Variants in DENND1B observed in about 807,000 individuals in gnomAD.
DENND1B encodes the protein DENN domain containing 1B, also known as DENN domain-containing protein 1B.
DENND1B carries 59 observed loss-of-function variants against 90.1 expected under a neutral mutation model. That is an observed-to-expected ratio of 0.65 (90% CI 0.53 to 0.81). DENND1B has a LOEUF of 0.81. Ranked by LOEUF, DENND1B falls within the 40% of genes least tolerant of loss-of-function variation. The probability of loss-of-function intolerance (pLI) is 0.00; values close to 1 mark genes in which losing one functional copy is unlikely to be tolerated. For missense variants in DENND1B, 862 were observed against 912.6 expected, an observed-to-expected ratio of 0.94 and a Z score of 0.71; for synonymous variants, 337 against 324.6, an observed-to-expected ratio of 1.04 and a Z score of -0.41.
chr1:197,638,408 C>T (rs141968373), intron 10 of DENND1B, among the ~76,000 whole-genome samples: 1,997 of 152,228 alleles, frequency 0.013, 18 homozygotes, highest in South Asian at 0.026. Context: ...CTTCTACAGG[C>T]CACAAAGATA....
rs144428227 is a variant in DENND1B at position 197,604,282 on chromosome 1, T to C, written c.921+2791A>G. Reference sequence around the variant, plus strand: ...TGTCAGAAGACAGGAAAAGAGGTTTTCCCCCTCCCTTAACGAAAACAAAGG... The same window carrying C: ...TGTCAGAAGACAGGAAAAGAGGTTTCCCCCCTCCCTTAACGAAAACAAAGG... On this transcript the variant is annotated intron_variant, in intron 13 of 22. Transcript: ENST00000620048. Among the ~76,000 whole-genome samples the C allele has an allele frequency of 2.0e-4, 30 of 151,306 alleles. No homozygotes were observed. The East Asian group carries it at 5.3e-3, about 27-fold the overall frequency.
At chr1:197,590,990 T>C (rs1675151556) in intron 14 of DENND1B, among the ~76,000 whole-genome samples, 1 of 152,204 alleles carries the variant, frequency 6.6e-6, no homozygotes. Context: ...GTGCATTAAT[T>C]GTAAGATAAA....
At chr1:197,758,432 A>G (rs1033406181) in intron 2 of DENND1B, among the ~76,000 whole-genome samples, 10 of 152,226 alleles carry the variant, frequency 6.6e-5, no homozygotes, top group African/African-American at 1.4e-4. Flanking sequence ...TAACAACCAC[A>G]ACACAGAAAC....
chr1:197,529,018 T>C (rs1331891382), intron 20 of DENND1B, among the ~76,000 whole-genome samples: 1 of 151,848 alleles, frequency 6.6e-6, no homozygotes, highest in Non-Finnish European at 1.5e-5. Flanking sequence ...ATATTTCTAT[T>C]TGTAAACACT....
At chr1:197,679,484 TTA>T (rs1282234161) in intron 3 of DENND1B, among the ~76,000 whole-genome samples, 1 of 151,802 alleles carries the variant, frequency 6.6e-6, no homozygotes, top group Non-Finnish European at 1.5e-5. Context: ...ATGTGCATAG[TTA>T]CATGCAAAAC....
At chr1:197,726,758 G>A (rs1304219957) in intron 2 of DENND1B, among the ~76,000 whole-genome samples, 1 of 152,164 alleles carries the variant, frequency 6.6e-6, no homozygotes, top group Non-Finnish European at 1.5e-5. Flanking sequence ...TACTCAAGAG[G>A]TTATCAAGCT....
intron 3 of DENND1B, among the ~76,000 whole-genome samples, chr1:197,695,836 A>C (rs546338775): frequency 6.6e-6 from 1 of 151,302 alleles, no homozygotes. Flanking sequence ...TGAATAATTT[A>C]TATCTTCTTT....
At chr1:197,763,188 G>A (rs1414909189) in intron 2 of DENND1B, among the ~76,000 whole-genome samples, 2 of 152,202 alleles carry the variant, frequency 1.3e-5, no homozygotes, top group Admixed American at 6.5e-5. Context: ...ACATACGCCT[G>A]TAGTACTGGC....
Position 197,510,111 on chromosome 1 carries a change from C to T in DENND1B, c.*349G>A. 1 of 206,538 alleles carries T rather than the reference C, an allele frequency of 4.8e-6. No individual in the cohort carries two copies. Among genetic ancestry groups the T allele is most frequent in the East Asian group, 1.3e-4 (1 of 7,990 alleles). The allele number at this position is 206,538 out of a possible 1,614,324, so 12.8% of individuals were successfully genotyped here. On this transcript the variant is annotated 3_prime_UTR_variant, in exon 23 of 23. Transcript: ENST00000620048. The stretch of plus-strand genomic sequence containing the variant: ...GTTTTGATATCTTGATCAGTTCATG[C>T]TCAACCAGATTAGTATAGTAGCTAC...
In DENND1B at chr1:197,512,940, C is replaced by G. The variant is rs1668133674; in HGVS notation, c.1529G>C (p.Arg510Thr). The G allele has an allele frequency of 6.2e-7, 1 of 1,609,332 alleles. No individual in the cohort carries two copies. Among genetic ancestry groups the G allele is most frequent in the Non-Finnish European group, 8.5e-7 (1 of 1,177,482 alleles). Residue 510 changes from arginine to threonine, a missense_variant, in exon 21 of 23, where the codon AGG becomes ACG. Physicochemically the swap from Arg to Thr is moderately conservative, Grantham distance 71. Transcript: ENST00000620048. The part of the protein sequence containing the change: ...KRKLAQARLK[R>T]PLKSLDGALY... ...AGCACCATCAAGGCTCTTAAGAGGCCTTTTTAAGCGTGCCTGGAGAGAGAG... is the reference window on the plus strand; with the variant it reads ...AGCACCATCAAGGCTCTTAAGAGGCGTTTTTAAGCGTGCCTGGAGAGAGAG...
At chr1:197,611,815 T>C in intron 12 of DENND1B, 116 bp downstream of exon 12, 1 of 788,868 alleles carries the variant, frequency 1.3e-6, no homozygotes, top group African/African-American at 1.8e-5. Context: ...ATACTCTAAA[T>C]ATGAAACTAG....
chr1:197,675,149 G>GA (rs1354336700), intron 3 of DENND1B, among the ~76,000 whole-genome samples: 4 of 151,948 alleles, frequency 2.6e-5, no homozygotes, highest in South Asian at 4.2e-4. Context: ...CCATTAAAAA[G>GA]AAAAAAGAGC....
At chr1:197,702,756 G>A (rs971939771) in intron 3 of DENND1B, among the ~76,000 whole-genome samples, 2 of 152,112 alleles carry the variant, frequency 1.3e-5, no homozygotes, top group African/African-American at 4.8e-5. Flanking sequence ...AAATGCTTGT[G>A]TATGACTGAA....
upstream of DENND1B, among the ~76,000 whole-genome samples, chr1:197,776,462 T>TA (rs1344389249): frequency 6.6e-6 from 1 of 152,208 alleles, no homozygotes; most frequent in Non-Finnish European, 1.5e-5. Context: ...GCCAGGCTCT[T>TA]ACACAGAGAT....
chr1:197,536,286 C>T (rs1367074287), intron 20 of DENND1B, among the ~76,000 whole-genome samples: 1 of 152,034 alleles, frequency 6.6e-6, no homozygotes, highest in African/African-American at 2.4e-5. Context: ...TATATTCCTG[C>T]AATTAGATGT....
chr1:197,753,337 A>T (rs1653815063), intron 2 of DENND1B, among the ~76,000 whole-genome samples: 1 of 152,106 alleles, frequency 6.6e-6, no homozygotes, highest in Non-Finnish European at 1.5e-5. Flanking sequence ...AAATTAAAAA[A>T]GGGAAATATC....
chr1:197,754,530 C>T (rs1451894556), intron 2 of DENND1B, among the ~76,000 whole-genome samples: 1 of 151,822 alleles, frequency 6.6e-6, no homozygotes, highest in African/African-American at 2.4e-5. Flanking sequence ...TGGTGGTGCA[C>T]ACCTGTAATC....
At chr1:197,618,955 T>C (rs1301730761) in intron 10 of DENND1B, among the ~76,000 whole-genome samples, 4 of 151,234 alleles carry the variant, frequency 2.6e-5, no homozygotes, top group African/African-American at 9.7e-5. Context: ...AATAGATCCA[T>C]TACATAAAGT....
chr1:197,526,268 T>C (rs1471868912), intron 20 of DENND1B, among the ~76,000 whole-genome samples: 1 of 152,124 alleles, frequency 6.6e-6, no homozygotes, highest in Non-Finnish European at 1.5e-5. Context: ...CATTGATCTC[T>C]GACAAACTTT....
Sources: gnomAD v4.1 joint callset for allele counts (sites outside exome capture counted in the v4.1 genomes callset) on GRCh38, gnomAD v4.1.1 for gene constraint, MANE v1.5 for transcripts, NCBI Gene and HGNC (gene_info 2026-07-23, HGNC 2026-07-21) for gene names.